Variants in CD80 observed in about 807,000 individuals in gnomAD.
CD80 encodes T-lymphocyte activation antigen CD80.
A neutral mutation model predicts 27.1 loss-of-function variants in CD80; 13 were observed. That is an observed-to-expected ratio of 0.48 (90% CI 0.31 to 0.76). CD80 has a LOEUF of 0.76. Among genes scored for constraint, CD80 ranks in the 30% least tolerant of loss-of-function variants. The pLI is 0.04. For synonymous variants in CD80, 125 were observed against 125.5 expected, an observed-to-expected ratio of 1.00 and a Z score of 0.03; for missense variants, 277 against 347.9, an observed-to-expected ratio of 0.80 and a Z score of 1.62.
At chr3:119,553,310 T>C (rs1341039617) in intron 2 of CD80, among the ~76,000 whole-genome samples, 1 of 151,958 alleles carries the variant, frequency 6.6e-6, no homozygotes, top group Non-Finnish European at 1.5e-5. Context: ...TGGTTAATTT[T>C]TGCATTTTTA....
intron 2 of CD80, among the ~76,000 whole-genome samples, chr3:119,545,712 A>G (rs1411881602): frequency 6.6e-6 from 1 of 152,100 alleles, no homozygotes; most frequent in African/African-American, 2.4e-5. Flanking sequence ...TATGATCATA[A>G]GGATAATGAA....
intron 2 of CD80, among the ~76,000 whole-genome samples, chr3:119,546,815 A>AAC (rs10661634): frequency 0.083 from 12,426 of 149,250 alleles, 612 homozygotes; most frequent in African/African-American, 0.14. Flanking sequence ...GTGATGCAAC[A>AAC]ACACACACAC....
Position 119,557,238 on chromosome 3 carries a change from C to T in CD80, c.100+391G>A, listed in dbSNP as rs1052919301. 6.6e-5 allele frequency among the ~76,000 whole-genome samples: 10 copies of T among 152,314 alleles called. No individual in the cohort carries two copies. In the East Asian group the frequency reaches 1.2e-3, roughly 18 times the overall value. On this transcript the variant is annotated intron_variant, in intron 2 of 6. Coordinates refer to ENST00000264246, the MANE Select transcript of CD80 (RefSeq NM_005191.4). Reference sequence around the variant, plus strand: ...ATTGTTCAATTTTAGAAGCAGGACACTTTCGCTGAGCTGTATCATGAAAAC... The same window carrying T: ...ATTGTTCAATTTTAGAAGCAGGACATTTTCGCTGAGCTGTATCATGAAAAC...
intron 1 of CD80, among the ~76,000 whole-genome samples, chr3:119,559,083 C>A (rs1228672925): frequency 6.6e-6 from 1 of 152,196 alleles, no homozygotes; most frequent in Non-Finnish European, 1.5e-5. Flanking sequence ...GTCACACAGG[C>A]TAGAGTGCAG....
At chr3:119,554,151 G>A (rs1461910395) in intron 2 of CD80, among the ~76,000 whole-genome samples, 2 of 152,164 alleles carry the variant, frequency 1.3e-5, no homozygotes, top group Non-Finnish European at 2.9e-5. Flanking sequence ...AAATGCACAG[G>A]GACTTGAACA....
intron 2 of CD80, among the ~76,000 whole-genome samples, chr3:119,554,019 G>A (rs1018344987): frequency 3.3e-5 from 5 of 152,236 alleles, no homozygotes; most frequent in African/African-American, 1.2e-4. Flanking sequence ...CCACAGGCTT[G>A]AGACCTGTGT....
intron 2 of CD80, among the ~76,000 whole-genome samples, chr3:119,550,947 C>G (rs1014553201): frequency 6.6e-6 from 1 of 152,168 alleles, no homozygotes. Context: ...CCCCTCCATC[C>G]TGCTACTCTT....
intron 3 of CD80, among the ~76,000 whole-genome samples, chr3:119,539,578 G>T (rs2082156627): frequency 1.3e-5 from 2 of 152,120 alleles, no homozygotes; most frequent in African/African-American, 4.8e-5. Flanking sequence ...CAAGACCCTT[G>T]AGGCACTGTT....
chr3:119,527,306 G>A (rs1239810373), intron 6 of CD80, among the ~76,000 whole-genome samples: 3 of 152,134 alleles, frequency 2.0e-5, no homozygotes, highest in African/African-American at 4.8e-5. Context: ...TCCATGATTC[G>A]TCAGTAGGAT....
intron 4 of CD80, among the ~76,000 whole-genome samples, chr3:119,531,177 G>A (rs2082108051): frequency 6.6e-6 from 1 of 152,248 alleles, no homozygotes; most frequent in Non-Finnish European, 1.5e-5. Flanking sequence ...TTTTCAGTCA[G>A]AGTTGTTGAT....
chr3:119,546,905 A>G (rs1270277065), intron 2 of CD80, among the ~76,000 whole-genome samples: 1 of 152,172 alleles, frequency 6.6e-6, no homozygotes, highest in East Asian at 1.9e-4. Context: ...GAAAAATCTA[A>G]GAATAAATTT....
intron 2 of CD80, among the ~76,000 whole-genome samples, chr3:119,553,328 CAG>C (rs1415992725): frequency 1.3e-5 from 2 of 151,998 alleles, no homozygotes; most frequent in African/African-American, 4.8e-5. Context: ...TTAGTAGAGA[CAG>C]GGTTTTACCA....
At chr3:119,529,539 C>T (rs2082098170) in intron 5 of CD80, among the ~76,000 whole-genome samples, 1 of 152,062 alleles carries the variant, frequency 6.6e-6, no homozygotes. Context: ...CCCCAGTCTC[C>T]AAAAATATAT....
chr3:119,550,293 C>T (rs777797257), intron 2 of CD80, among the ~76,000 whole-genome samples: 6 of 152,116 alleles, frequency 3.9e-5, no homozygotes, highest in Non-Finnish European at 8.8e-5. Context: ...TCCAATATTT[C>T]TCACTGATTT....
intron 4 of CD80, 39 bp from the exon 5 acceptor site, chr3:119,529,976 T>G: frequency 7.2e-7 from 1 of 1,383,400 alleles, no homozygotes; most frequent in Non-Finnish European, 1.0e-6. Flanking sequence ...GTAATGTATT[T>G]CCTACTGCCT....
chr3:119,547,766 G>A (rs924026509), intron 2 of CD80, among the ~76,000 whole-genome samples: 15 of 152,048 alleles, frequency 9.9e-5, no homozygotes, highest in African/African-American at 2.9e-4. Context: ...CAATATATTA[G>A]CAGCCACCTT....
chr3:119,537,355 A>C lies in CD80; in HGVS notation c.482T>G (p.Ile161Ser). Residue 161 changes from isoleucine (I) to serine (S), a missense_variant, in exon 4 of 7, where the codon ATT becomes AGT. Coordinates refer to ENST00000264246, the MANE Select transcript of CD80 (RefSeq NM_005191.4). ...EIPTSNIRRIICSTSGGFPEP... is the reference protein window; with the variant it reads ...EIPTSNIRRISCSTSGGFPEP... ...TGGAAAACCTCCAGAGGTTGAGCAAATTATCCTTCTAATATTAGAAGTTGG... is the reference window on the plus strand; with the variant it reads ...TGGAAAACCTCCAGAGGTTGAGCAACTTATCCTTCTAATATTAGAAGTTGG... 1 of 1,613,356 alleles carries C rather than the reference A, an allele frequency of 6.2e-7. No homozygotes were observed. The highest frequency in any genetic ancestry group is 8.5e-7 in the Non-Finnish European group (1 of 1,179,270).
intron 2 of CD80, among the ~76,000 whole-genome samples, chr3:119,547,631 A>T (rs1387985594): frequency 2.0e-5 from 3 of 152,100 alleles, no homozygotes; most frequent in African/African-American, 7.2e-5. Context: ...TTGTGTGTAT[A>T]TTTTTTTGAG....
intron 4 of CD80, among the ~76,000 whole-genome samples, chr3:119,533,720 G>A (rs377029077): frequency 2.1e-4 from 32 of 152,264 alleles, no homozygotes; most frequent in African/African-American, 6.3e-4. Flanking sequence ...CCCCAGCCAC[G>A]TGGAACTGTG....
Sources: allele counts gnomAD v4.1 joint callset (sites outside exome capture counted in the v4.1 genomes callset), GRCh38; gene constraint gnomAD v4.1.1; transcripts MANE v1.5; gene names NCBI Gene and HGNC (gene_info 2026-07-23, HGNC 2026-07-21).